Variants in NKAIN2 observed in about 807,000 individuals in gnomAD.
NKAIN2 encodes sodium/potassium transporting ATPase interacting 2.
NKAIN2 carries 14 observed loss-of-function variants against 32.6 expected under a neutral mutation model. That is an observed-to-expected ratio of 0.43 (90% CI 0.28 to 0.67). NKAIN2 has a LOEUF of 0.67. Ranked by LOEUF, NKAIN2 falls within the 30% of genes least tolerant of loss-of-function variation. The pLI is 0.17. For missense variants in NKAIN2, 198 were observed against 258.3 expected (o/e 0.77, Z 1.60); for synonymous variants, 80 against 87.2 (o/e 0.92, Z 0.46).
chr6:124,342,995 C>A (rs1798212127), intron 2 of NKAIN2, among the ~76,000 whole-genome samples: 1 of 120,116 alleles, frequency 8.3e-6, no homozygotes, highest in Non-Finnish European at 1.7e-5. Context: ...CCCCACCCCA[C>A]AACAGTCCCC....
chr6:124,794,740 T>C (rs1779926143), intron 5 of NKAIN2: 1 of 230,332 alleles, frequency 4.3e-6, no homozygotes, highest in Admixed American at 6.5e-5. Flanking sequence ...TAGGTTCATT[T>C]ACTTGTAGTC....
At chr6:124,396,384 CA>C (rs1021433594) in intron 3 of NKAIN2, among the ~76,000 whole-genome samples, 1 of 127,150 alleles carries the variant, frequency 7.9e-6, no homozygotes. Flanking sequence ...AAATGGGTAC[CA>C]AAAAAACACA....
intron 3 of NKAIN2, among the ~76,000 whole-genome samples, chr6:124,395,421 T>TA (rs1773335572): frequency 6.6e-6 from 1 of 152,238 alleles, no homozygotes; most frequent in Non-Finnish European, 1.5e-5. Flanking sequence ...ATATCATAGA[T>TA]ACACTTATAA....
intron 1 of NKAIN2, among the ~76,000 whole-genome samples, chr6:123,903,489 A>G (rs1421950795): frequency 6.6e-6 from 1 of 152,186 alleles, no homozygotes. Flanking sequence ...TTGTATATTC[A>G]AGTAGATAGG....
intron 1 of NKAIN2, among the ~76,000 whole-genome samples, chr6:124,101,428 A>AAT (rs776132365): frequency 5.9e-5 from 9 of 152,146 alleles, no homozygotes; most frequent in Non-Finnish European, 1.3e-4. Context: ...TCCAAGAGTA[A>AAT]ATTCTCCAGG....
intron 1 of NKAIN2, among the ~76,000 whole-genome samples, chr6:123,953,216 T>A (rs1267124074): frequency 6.6e-6 from 1 of 152,158 alleles, no homozygotes; most frequent in Admixed American, 6.5e-5. Context: ...GGTGAAGTTA[T>A]GCTGCAGATG....
intron 4 of NKAIN2, among the ~76,000 whole-genome samples, chr6:124,762,675 C>A (rs1029733939): frequency 2.0e-5 from 3 of 152,086 alleles, no homozygotes; most frequent in Admixed American, 1.3e-4. Context: ...AATTTGACTT[C>A]AAAGGATAGG....
chr6:123,893,151 A>T (rs1774101182), intron 1 of NKAIN2, among the ~76,000 whole-genome samples: 1 of 151,992 alleles, frequency 6.6e-6, no homozygotes, highest in African/African-American at 2.4e-5. Flanking sequence ...TTCAGTTCAT[A>T]CTTCTTTTTC....
At chr6:124,605,466 T>C (rs993131296) in intron 3 of NKAIN2, among the ~76,000 whole-genome samples, 3 of 152,010 alleles carry the variant, frequency 2.0e-5, no homozygotes, top group South Asian at 4.1e-4. Flanking sequence ...TACAATGAAG[T>C]GGTAAATTGA....
At chr6:124,405,936 T>G (rs1773837398) in intron 3 of NKAIN2, among the ~76,000 whole-genome samples, 1 of 152,156 alleles carries the variant, frequency 6.6e-6, no homozygotes, top group Admixed American at 6.5e-5. Context: ...CTTATTAAGT[T>G]TAAAGTAAGC....
intron 1 of NKAIN2, among the ~76,000 whole-genome samples, chr6:123,807,511 A>G (rs1773268525): frequency 1.3e-5 from 2 of 152,142 alleles, no homozygotes; most frequent in Admixed American, 1.3e-4. Flanking sequence ...GTATAGGACA[A>G]GAAGTTTTTA....
chr6:124,376,754 C>G (rs1800010665), intron 3 of NKAIN2, among the ~76,000 whole-genome samples: 1 of 152,026 alleles, frequency 6.6e-6, no homozygotes, highest in Non-Finnish European at 1.5e-5. Context: ...ATAAATTTCT[C>G]TACTATAAAT....
intron 3 of NKAIN2, among the ~76,000 whole-genome samples, chr6:124,416,760 G>T (rs1169232542): frequency 6.6e-6 from 1 of 152,140 alleles, no homozygotes; most frequent in Admixed American, 6.5e-5. Flanking sequence ...GTGAATAGGG[G>T]AACATGGGGA....
rs201145523 is a variant in NKAIN2 at position 124,233,226 on chromosome 6, GA to G, written c.55-49768del. Among the ~76,000 whole-genome samples the G allele has an allele frequency of 6.5e-3, 938 of 143,566 alleles. 17 individuals are homozygous for G. Among genetic ancestry groups the G allele is most frequent in the African/African-American group, 0.02 (793 of 39,418 alleles). The allele number at this position is 143,566 out of a possible 152,430, so 94.2% of individuals were successfully genotyped here. On this transcript the variant is annotated intron_variant, in intron 1 of 6. Coordinates refer to ENST00000368417, the MANE Select transcript of NKAIN2 (RefSeq NM_001040214.3). ...TTAAAAGACAAAGTTACCTTTTAGA[GA>G]AAAAAAAAAACAGAAGTTCACTCTA...
intron 1 of NKAIN2, among the ~76,000 whole-genome samples, chr6:123,855,427 G>T (rs530854759): frequency 6.6e-6 from 1 of 152,162 alleles, no homozygotes; most frequent in African/African-American, 2.4e-5. Flanking sequence ...ACTTAAACTT[G>T]TATTTTATAT....
intron 1 of NKAIN2, among the ~76,000 whole-genome samples, chr6:124,271,571 T>G (rs1377367125): frequency 1.3e-5 from 2 of 152,110 alleles, no homozygotes; most frequent in Non-Finnish European, 2.9e-5. Context: ...TGTAGCAGTG[T>G]GAAAATGGAC....
At chr6:124,197,545 G>A (rs945401303) in intron 1 of NKAIN2, among the ~76,000 whole-genome samples, 1 of 152,148 alleles carries the variant, frequency 6.6e-6, no homozygotes, top group Non-Finnish European at 1.5e-5. Context: ...TATACCCTAA[G>A]TAGAAGTGGA....
chr6:124,733,358 G>T (rs949320462), intron 4 of NKAIN2, among the ~76,000 whole-genome samples: 5 of 151,790 alleles, frequency 3.3e-5, no homozygotes, highest in Non-Finnish European at 5.9e-5. Context: ...AGTAAATAAT[G>T]CAGACTGTGA....
chr6:124,658,933 C>G (rs1321364080), intron 4 of NKAIN2: 1 of 145,128 alleles, frequency 6.9e-6, no homozygotes, highest in African/African-American at 2.6e-5. Flanking sequence ...CATTCATGCC[C>G]CCATTTTTCA....
Sources: gnomAD v4.1 joint callset for allele counts (sites outside exome capture counted in the v4.1 genomes callset) on GRCh38, gnomAD v4.1.1 for gene constraint, MANE v1.5 for transcripts, NCBI Gene and HGNC (gene_info 2026-07-23, HGNC 2026-07-21) for gene names.